MPDZ: variants seen among roughly 807,000 people sequenced by gnomAD.
MPDZ encodes the protein multiple PDZ domain protein.
In MPDZ, 234 loss-of-function variants were observed where a neutral mutation model predicts 239.1. That is an observed-to-expected ratio of 0.98 (90% CI 0.88 to 1.09). The LOEUF (loss-of-function observed/expected upper bound fraction) is 1.09, where lower values mean the gene tolerates loss of function less well. Among genes scored for constraint, MPDZ ranks in the 50% least tolerant of loss-of-function variants. The pLI, the probability that MPDZ is intolerant of heterozygous loss-of-function variation, is 0.00. For synonymous variants in MPDZ, 1,048 were observed against 881.3 expected, an observed-to-expected ratio of 1.19 and a Z score of -3.35; for missense variants, 3,175 against 2,510.0, an observed-to-expected ratio of 1.26 and a Z score of -5.66.
At chr9:13,279,275 A>ACCCCCC (rs1564192401) in intron 1 of MPDZ, 125 bp downstream of exon 1, 1 of 27,432 alleles carries the variant, frequency 3.6e-5, no homozygotes, top group Admixed American at 2.5e-4. Flanking sequence ...CCCCACCCCC[A>ACCCCCC]TCCCCGCCCC....
chr9:13,256,221 T>G (rs1969396697), intron 1 of MPDZ, among the ~76,000 whole-genome samples: 1 of 152,192 alleles, frequency 6.6e-6, no homozygotes, highest in Non-Finnish European at 1.5e-5. Context: ...GAGTTAGGGT[T>G]TTGCTCTGTA....
intron 11 of MPDZ, among the ~76,000 whole-genome samples, chr9:13,205,435 T>C (rs1206190520): frequency 2.0e-5 from 3 of 152,190 alleles, no homozygotes; most frequent in African/African-American, 7.2e-5. Context: ...GGGGTTTCAG[T>C]AATTTGCAGA....
At chr9:13,221,587 G>A in intron 6 of MPDZ, 87 bp from the exon 7 acceptor site, 2 of 1,379,664 alleles carry the variant, frequency 1.4e-6, no homozygotes, top group Admixed American at 2.3e-5. Flanking sequence ...CGATTATTTT[G>A]TTAATATTAA....
Position 13,176,335 on chromosome 9 carries a change from C to T in MPDZ, c.2732G>A (p.Arg911Lys). The T allele has an allele frequency of 6.2e-7, 1 of 1,608,536 alleles. No individual in the cohort carries two copies. ...EELYTQNLLQ[R>K]QDENTPSVDI... ...CACCGAAGGTGTATTCTCATCCTGTCTTTGCAGGAGATTCTGGGTATATAG... is the reference window on the plus strand; with the variant it reads ...CACCGAAGGTGTATTCTCATCCTGTTTTTGCAGGAGATTCTGGGTATATAG... The change falls in exon 20 of 47, where the codon AGA becomes AAA. Residue 911 changes from arginine (R) to lysine (K), a missense_variant. Coordinates refer to ENST00000319217, the MANE Select transcript of MPDZ (RefSeq NM_001378778.1).
In MPDZ at chr9:13,190,138, A is replaced by G. The variant is rs569306624; in HGVS notation, c.2130T>C (p.Leu710=). The G allele has an allele frequency of 2.7e-5, 43 of 1,612,970 alleles. No individual in the cohort carries two copies. The highest frequency in any genetic ancestry group is 1.2e-4 in the Admixed American group (7 of 59,888). The change falls in exon 16 of 47, where the codon CTT becomes CTC. Residue 710 remains leucine, a synonymous_variant. Transcript: ENST00000319217. ...HIELEKGSKG[L]GFSILDYQDP... ...CCTGATAATCTAAAATGCTAAAACCAAGTCCTTTGCTCCCTTTCTCCAGCT... is the reference window on the plus strand; with the variant it reads ...CCTGATAATCTAAAATGCTAAAACCGAGTCCTTTGCTCCCTTTCTCCAGCT...
rs537601959 is a variant in MPDZ, at chr9:13,279,584, C to A, written c.-242G>T. On this transcript the variant is annotated 5_prime_UTR_variant, in exon 1 of 47. Coordinates refer to ENST00000319217, the MANE Select transcript of MPDZ (RefSeq NM_001378778.1). ...CTCACGCGTGACTGAGAAACTTAAT[C>A]CCGCGGTGGCCCGACGCCAGCCTAG... 1.3e-5 allele frequency: 2 copies of A among 149,754 alleles called. No individual in the cohort carries two copies. Among genetic ancestry groups the A allele is most frequent in the South Asian group, 4.1e-4 (2 of 4,824 alleles). 9.3% of individuals were successfully genotyped at this position (149,754 alleles called of 1,614,324 possible). A position where few individuals can be genotyped will look rare whatever the true frequency, so the allele number is the denominator to read the frequency against.
At chr9:13,237,595 T>A (rs1964400452) in intron 3 of MPDZ, among the ~76,000 whole-genome samples, 1 of 151,056 alleles carries the variant, frequency 6.6e-6, no homozygotes, top group South Asian at 2.1e-4. Flanking sequence ...AAAAAAAAAA[T>A]TACTGAAAAT....
chr9:13,138,537 GC>G (rs1947186893), intron 28 of MPDZ, among the ~76,000 whole-genome samples: 1 of 152,198 alleles, frequency 6.6e-6, no homozygotes, highest in Non-Finnish European at 1.5e-5. Flanking sequence ...ATCAGTGGGA[GC>G]TTTTCTCCCA....
intron 35 of MPDZ, among the ~76,000 whole-genome samples, 187 bp from the exon 36 acceptor site, chr9:13,123,485 A>C (rs1348796375): frequency 1.3e-5 from 2 of 152,184 alleles, no homozygotes; most frequent in African/African-American, 4.8e-5. Context: ...AAATGTGATT[A>C]AATCACCATT....
At chr9:13,248,174 G>C (rs1405640510) in intron 2 of MPDZ, among the ~76,000 whole-genome samples, 3 of 149,852 alleles carry the variant, frequency 2.0e-5, no homozygotes, top group African/African-American at 7.4e-5. Flanking sequence ...GTTGCAGTGA[G>C]CCGAGATTGG....
At chr9:13,111,202 T>C (rs114982671) in intron 43 of MPDZ, among the ~76,000 whole-genome samples, 23 of 152,344 alleles carry the variant, frequency 1.5e-4, no homozygotes, top group South Asian at 4.1e-4. Context: ...GCCATGCTTA[T>C]TTGGCTGCTT....
chr9:13,215,738 G>A (rs917979475), intron 10 of MPDZ, among the ~76,000 whole-genome samples: 3 of 136,432 alleles, frequency 2.2e-5, no homozygotes, highest in African/African-American at 8.0e-5. Flanking sequence ...AGATAAACAG[G>A]TTTCTCTATT....
chr9:13,192,030 G>C, intron 15 of MPDZ, 101 bp downstream of exon 15: 1 of 1,075,998 alleles, frequency 9.3e-7, no homozygotes, highest in Non-Finnish European at 1.3e-6. Flanking sequence ...TGGGCGATGT[G>C]AGTAAATCAA....
chr9:13,246,306 G>A (rs536062437), intron 3 of MPDZ, among the ~76,000 whole-genome samples: 6 of 152,134 alleles, frequency 3.9e-5, no homozygotes, highest in Non-Finnish European at 8.8e-5. Context: ...GCTGGGCGTG[G>A]TGGCAGGCAC....
rs1345064683 is a variant in MPDZ at position 13,170,439 on chromosome 9, GAC to G, written c.3056-1877_3056-1876del. On this transcript the variant is annotated intron_variant, in intron 21 of 46. Transcript: ENST00000319217. ...CGATTTTGAAGTGTATTGTTAAGAAGACACCTCTGCTTACCATAAAACAATAA... is the reference window on the plus strand; with the variant it reads ...CGATTTTGAAGTGTATTGTTAAGAAGACCTCTGCTTACCATAAAACAATAA... Among the ~76,000 whole-genome samples, 3 of 152,046 alleles carry G rather than the reference GAC, an allele frequency of 2.0e-5. No homozygotes were observed. The East Asian group carries it at 5.8e-4, about 29-fold the overall frequency.
At chr9:13,236,225 GTA>G (rs1232732789) in intron 3 of MPDZ, among the ~76,000 whole-genome samples, 8 of 76,738 alleles carry the variant, frequency 1.0e-4, no homozygotes, top group African/African-American at 2.9e-4. Context: ...GTGTGTGTGT[GTA>G]TATGTATATG....
chr9:13,147,743 G>A, intron 25 of MPDZ, 85 bp from the exon 26 acceptor site: 3 of 937,766 alleles, frequency 3.2e-6, no homozygotes, highest in South Asian at 3.1e-5. Flanking sequence ...AGGGATACTT[G>A]GTTAGACTCC....
chr9:13,130,263 G>C (rs1379464425), intron 32 of MPDZ, among the ~76,000 whole-genome samples: 1 of 152,058 alleles, frequency 6.6e-6, no homozygotes, highest in Non-Finnish European at 1.5e-5. Flanking sequence ...AAATATAAAA[G>C]ATTAAAAAAA....
Position 13,219,654 on chromosome 9 carries a change from A to G in MPDZ, c.991T>C (p.Leu331=), listed in dbSNP as rs1958826984. The change falls in exon 8 of 47, where the codon TTG becomes CTG. Residue 331 remains leucine, a synonymous_variant. Transcript: ENST00000319217. ...TCTATGGCACCTCTTGCAATCATCA[A>G]CTTAACTCTATTTCCACATTGCCTA... The part of the protein sequence containing the change: ...VLRQCGNRVK[L]MIARGAIEER... The G allele has an allele frequency of 3.1e-6, 5 of 1,612,586 alleles. No individual in the cohort carries two copies. The highest frequency in any genetic ancestry group is 4.5e-5 in the East Asian group (2 of 44,782).
Sources: allele counts gnomAD v4.1 joint callset (sites outside exome capture counted in the v4.1 genomes callset), GRCh38; gene constraint gnomAD v4.1.1; transcripts MANE v1.5; gene names NCBI Gene and HGNC (gene_info 2026-07-23, HGNC 2026-07-21).